The following WDR72 variants were observed in gnomAD, a reference collection of about 807,000 sequenced individuals.
WDR72 encodes the protein WD repeat domain 72, also known as WD repeat-containing protein 72.
A neutral mutation model predicts 124.2 loss-of-function variants in WDR72; 120 were observed. The ratio of observed to expected loss-of-function variants is 0.97; its 90% CI spans 0.83 to 1.12. WDR72 has a LOEUF of 1.12. WDR72 is among the 50% of genes most tolerant of loss of function. The pLI, the probability that WDR72 is intolerant of heterozygous loss-of-function variation, is 0.00. For synonymous variants in WDR72, 452 were observed against 441.7 expected, an observed-to-expected ratio of 1.02 and a Z score of -0.29; for missense variants, 1,387 against 1,278.8, an observed-to-expected ratio of 1.08 and a Z score of -1.29.
chr15:53,567,100 C>T (rs1365239553), intron 18 of WDR72, among the ~76,000 whole-genome samples: 1 of 151,970 alleles, frequency 6.6e-6, no homozygotes, highest in African/African-American at 2.4e-5. Context: ...CACTCAATGG[C>T]AGGGAGAATT....
chr15:53,554,386 C>A (rs1893849488), intron 18 of WDR72, among the ~76,000 whole-genome samples: 1 of 151,970 alleles, frequency 6.6e-6, no homozygotes, highest in Non-Finnish European at 1.5e-5. Context: ...ATATTTATCA[C>A]AATTTCCCAT....
In WDR72 at chr15:53,721,688, T is replaced by G. The variant is rs568556009; in HGVS notation, c.260+1114A>C. Among the ~76,000 whole-genome samples the G allele has an allele frequency of 3.9e-5, 6 of 152,340 alleles. No individual in the cohort carries two copies. The South Asian group carries it at 8.3e-4, about 21-fold the overall frequency. ...GGACCTTGATTCCTCACTATTCTTT[T>G]GGTTTTCAGAATTCAGAAGCGTATA... On this transcript the variant is annotated intron_variant, in intron 3 of 19. Transcript: ENST00000360509.
At chr15:53,721,936 C>A (rs2017887163) in intron 3 of WDR72, among the ~76,000 whole-genome samples, 1 of 152,184 alleles carries the variant, frequency 6.6e-6, no homozygotes, top group Non-Finnish European at 1.5e-5. Context: ...TGACACTGCA[C>A]CCAAATCACT....
chr15:53,675,885 G>A (rs1228516602), intron 13 of WDR72, among the ~76,000 whole-genome samples: 3 of 152,110 alleles, frequency 2.0e-5, no homozygotes, highest in Non-Finnish European at 4.4e-5. Context: ...TTTTTGGAGA[G>A]GAAGGATATA....
At chr15:53,742,730 C>T (rs980708092) in intron 1 of WDR72, among the ~76,000 whole-genome samples, 11 of 152,136 alleles carry the variant, frequency 7.2e-5, no homozygotes, top group East Asian at 3.9e-4. Context: ...ATTTCTCTCA[C>T]GGGGATCTCT....
Position 53,603,055 on chromosome 15 carries a change from T to C in WDR72, c.2953-5781A>G, listed in dbSNP as rs142832641. On this transcript the variant is annotated intron_variant, in intron 17 of 19. Transcript: ENST00000360509. ...ACAAAAAAAGAAAATTTCCTGTCAG[T>C]ATTCCTGATGAACATCAATGAAAAT... Among the ~76,000 whole-genome samples, 59 of 152,138 alleles carry C rather than the reference T, an allele frequency of 3.9e-4. 1 individual carries two copies. The East Asian group carries it at 0.01, about 27-fold the overall frequency.
intron 18 of WDR72, among the ~76,000 whole-genome samples, chr15:53,563,652 T>C (rs1894199791): frequency 6.6e-6 from 1 of 151,796 alleles, no homozygotes; most frequent in African/African-American, 2.4e-5. Flanking sequence ...GTAATAGGAA[T>C]GTCAGATGGA....
intron 2 of WDR72, among the ~76,000 whole-genome samples, chr15:53,731,115 T>A (rs2140606386): frequency 6.6e-6 from 1 of 152,278 alleles, no homozygotes; most frequent in East Asian, 1.9e-4. Flanking sequence ...ACAGTGAATT[T>A]CAAAAACACA....
chr15:53,654,672 A>G (rs2015355094), intron 14 of WDR72, among the ~76,000 whole-genome samples: 1 of 152,160 alleles, frequency 6.6e-6, no homozygotes, highest in African/African-American at 2.4e-5. Context: ...TCTGTAACTA[A>G]TCTCAGTAGC....
At chr15:53,700,789 G>A (rs1394594411) in intron 12 of WDR72, among the ~76,000 whole-genome samples, 1 of 152,096 alleles carries the variant, frequency 6.6e-6, no homozygotes, top group East Asian at 1.9e-4. Context: ...ATCACAAAAT[G>A]GCAGGTGTGA....
At chr15:53,600,262 G>A (rs912966439) in intron 17 of WDR72, among the ~76,000 whole-genome samples, 1 of 152,026 alleles carries the variant, frequency 6.6e-6, no homozygotes, top group African/African-American at 2.4e-5. Context: ...AAATGTAATA[G>A]ATAGATTTTA....
intron 18 of WDR72, among the ~76,000 whole-genome samples, chr15:53,548,362 C>T (rs1486265117): frequency 6.6e-6 from 1 of 152,164 alleles, no homozygotes; most frequent in African/African-American, 2.4e-5. Context: ...GATGGGAGGG[C>T]TCGGGCTCTC....
chr15:53,728,127 T>TA (rs1567052278), intron 2 of WDR72, among the ~76,000 whole-genome samples: 1 of 152,178 alleles, frequency 6.6e-6, no homozygotes, highest in East Asian at 1.9e-4. Context: ...TTAATGGACT[T>TA]ACAGTTCCAC....
rs1343520070 is a variant in WDR72, at chr15:53,716,673, A to C, written c.273T>G (p.Val91=). 6.3e-7 allele frequency: 1 copy of C among 1,598,068 alleles called. No homozygotes were observed. Among genetic ancestry groups the C allele is most frequent in the African/African-American group, 1.4e-5 (1 of 72,882 alleles). Residue 91 remains valine (V), a synonymous_variant, in exon 4 of 20, where the codon GTT becomes GTG. Transcript: ENST00000360509. ...TGCACTGTCCATTGGTGACATTCCA[A>C]ACACACATCTCCCTAGCAGAAGATA... is the stretch of plus-strand genomic sequence containing the variant. ...VSAAENGEMC[V]WNVTNGQCME... is the part of the protein sequence containing the mutation.
intron 1 of WDR72, among the ~76,000 whole-genome samples, chr15:53,741,730 G>C (rs1178141835): frequency 7.3e-6 from 1 of 137,884 alleles, no homozygotes; most frequent in Non-Finnish European, 1.6e-5. Context: ...ATGTGATCCA[G>C]ATTTTTTTTT....
rs553170181 is a variant in WDR72, at chr15:53,640,159, C to T, written c.1963-23916G>A. ...TGTGAGTCCTGCACATTTCAGTTAG[C>T]CCATCTCTAACCTCTGTGTGACCAG... is the stretch of plus-strand genomic sequence containing the variant. On this transcript the variant is annotated intron_variant, in intron 14 of 19. Transcript: ENST00000360509. Among the ~76,000 whole-genome samples, 146 of 152,282 alleles carry T rather than the reference C, an allele frequency of 9.6e-4. 1 individual carries two copies. The highest frequency in any genetic ancestry group is 3.3e-3 in the African/African-American group (137 of 41,558).
At chr15:53,652,478 T>C (rs2140429566) in intron 14 of WDR72, among the ~76,000 whole-genome samples, 1 of 152,326 alleles carries the variant, frequency 6.6e-6, no homozygotes, top group Middle Eastern at 3.4e-3. Flanking sequence ...TACAGAATTG[T>C]ACTAGTCTTT....
At chr15:53,632,302 G>C (rs952029254) in intron 14 of WDR72, among the ~76,000 whole-genome samples, 6 of 152,132 alleles carry the variant, frequency 3.9e-5, no homozygotes, top group African/African-American at 1.4e-4. Flanking sequence ...CAAGTGGTAA[G>C]CTTTGGCAGT....
intron 18 of WDR72, among the ~76,000 whole-genome samples, chr15:53,564,143 A>G (rs906663198): frequency 1.3e-5 from 2 of 151,840 alleles, no homozygotes; most frequent in African/African-American, 2.4e-5. Flanking sequence ...ACAGTCATTA[A>G]TTCATTTCTG....
Sources: allele counts gnomAD v4.1 joint callset (sites outside exome capture counted in the v4.1 genomes callset), GRCh38; gene constraint gnomAD v4.1.1; transcripts MANE v1.5; gene names NCBI Gene and HGNC (gene_info 2026-07-23, HGNC 2026-07-21).